The following GALNT18 variants were observed in gnomAD, a reference collection of about 807,000 sequenced individuals.
GALNT18 encodes the protein GalNAc-transferase 18.
Under a neutral mutation model 69.5 loss-of-function variants are expected in GALNT18, and 44 were observed. That is an observed-to-expected ratio of 0.63 (90% confidence interval 0.50 to 0.81). GALNT18 has a LOEUF of 0.81. Among genes scored for constraint, GALNT18 ranks in the 40% least tolerant of loss-of-function variants. The pLI, the probability that GALNT18 is intolerant of heterozygous loss-of-function variation, is 0.00. For missense variants in GALNT18, 715 were observed against 810.0 expected (o/e 0.88, Z 1.42); for synonymous variants, 364 against 318.2 (o/e 1.14, Z -1.53).
chr11:11,274,377 G>C (rs1184289199), intron 10 of GALNT18, among the ~76,000 whole-genome samples: 1 of 152,202 alleles, frequency 6.6e-6, no homozygotes, highest in Admixed American at 6.5e-5. Flanking sequence ...GCTGAAGCCA[G>C]GGAGCCAAGT....
intron 1 of GALNT18, among the ~76,000 whole-genome samples, chr11:11,545,047 G>A (rs1858016741): frequency 6.6e-6 from 1 of 152,180 alleles, no homozygotes; most frequent in Non-Finnish European, 1.5e-5. Flanking sequence ...TCATTCCATT[G>A]CTGTGCTATC....
At chr11:11,355,601 G>C (rs1320698790) in intron 6 of GALNT18, among the ~76,000 whole-genome samples, 1 of 152,078 alleles carries the variant, frequency 6.6e-6, no homozygotes, top group Non-Finnish European at 1.5e-5. Context: ...AAATGTATAA[G>C]GTCCAACCTG....
rs1050722206 is a variant in GALNT18, at chr11:11,332,570, G to A, written c.1416+124C>T. ...TTGCAGGTGCAGAACCCAGCGCCCG[G>A]TCCCCAGGCCTACTGCAGTTCTTCA... On this transcript the variant is annotated intron_variant, in intron 8 of 10. Coordinates refer to ENST00000227756, the MANE Select transcript of GALNT18 (RefSeq NM_198516.3). This position sits in a 1 kb window ranked among gnomAD's most constrained non-coding sequence, Gnocchi z 4.3. The A allele has an allele frequency of 1.1e-5, 12 of 1,107,308 alleles. No individual in the cohort carries two copies. In the African/African-American group the frequency reaches 1.1e-4, roughly 10 times the overall value. The allele number at this position is 1,107,308 out of a possible 1,614,324, so 68.6% of individuals were successfully genotyped here.
At chr11:11,491,732 A>G (rs907891316) in intron 1 of GALNT18, among the ~76,000 whole-genome samples, 5 of 152,228 alleles carry the variant, frequency 3.3e-5, no homozygotes, top group Non-Finnish European at 7.3e-5. Context: ...TGGGAAGGCC[A>G]GCAGCGAAGT....
At position 11,546,424 on chromosome 11, in the gene GALNT18, T is replaced by C. The variant is rs1476995358; in HGVS notation, c.235+74935A>G. Among the ~76,000 whole-genome samples, 2 of 152,194 alleles carry C rather than the reference T, an allele frequency of 1.3e-5. No homozygotes were observed. The highest frequency in any genetic ancestry group is 2.4e-5 in the African/African-American group (1 of 41,448). On this transcript the variant is annotated intron_variant, in intron 1 of 10. Transcript: ENST00000227756. This position sits in a 1 kb window ranked among gnomAD's most constrained non-coding sequence, Gnocchi z 5.8. ...ACCACACCAACCTGCTGCCTGAGGC[T>C]CTGTCACATCATCTCTTGCCTGTAC...
At chr11:11,565,663 G>A (rs947599178) in intron 1 of GALNT18, among the ~76,000 whole-genome samples, 3 of 152,168 alleles carry the variant, frequency 2.0e-5, no homozygotes, top group African/African-American at 4.8e-5. Context: ...AGGCACCAAG[G>A]AGACACAGAT....
At chr11:11,448,378 A>G (rs1855707914) in intron 2 of GALNT18, among the ~76,000 whole-genome samples, 2 of 152,232 alleles carry the variant, frequency 1.3e-5, no homozygotes, top group South Asian at 4.1e-4. Flanking sequence ...TAGCCCCACA[A>G]GATAGATGTA....
In GALNT18 at chr11:11,500,410, G is replaced by A. The variant is rs562896140; in HGVS notation, c.236-51474C>T. Reference sequence around the variant, plus strand: ...ATTTCCTCACATGGAAAGTGGTGATGGTAACACCTACCTCACAGGATTGTG... The same window carrying A: ...ATTTCCTCACATGGAAAGTGGTGATAGTAACACCTACCTCACAGGATTGTG... On this transcript the variant is annotated intron_variant, in intron 1 of 10. Transcript: ENST00000227756. The surrounding 1 kb of genome is among the most constrained non-coding windows in gnomAD (Gnocchi z 5.0). Among the ~76,000 whole-genome samples the A allele has an allele frequency of 2.0e-5, 3 of 152,302 alleles. No homozygotes were observed. Among genetic ancestry groups the A allele is most frequent in the Admixed American group, 2.0e-4 (3 of 15,302 alleles).
intron 1 of GALNT18, among the ~76,000 whole-genome samples, chr11:11,594,258 G>C (rs1859432856): frequency 6.6e-6 from 1 of 152,198 alleles, no homozygotes; most frequent in African/African-American, 2.4e-5. Flanking sequence ...AAAAGCTCTA[G>C]CCTGAGTCAG....
Position 11,562,609 on chromosome 11 carries a change from C to G in GALNT18, c.235+58750G>C, listed in dbSNP as rs1858540362. On this transcript the variant is annotated intron_variant, in intron 1 of 10. Transcript: ENST00000227756. This position sits in a 1 kb window ranked among gnomAD's most constrained non-coding sequence, Gnocchi z 4.1. ...AAACCTGCCTCCTACCCCAGCAACC[C>G]CATGGCACAGCACAATTTCAAGGCC... Among the ~76,000 whole-genome samples the G allele has an allele frequency of 6.6e-6, 1 of 152,100 alleles. No homozygotes were observed. Among genetic ancestry groups the G allele is most frequent in the Non-Finnish European group, 1.5e-5 (1 of 68,032 alleles).
chr11:11,375,722 G>T (rs1233814083), intron 5 of GALNT18, among the ~76,000 whole-genome samples: 1 of 152,188 alleles, frequency 6.6e-6, no homozygotes, highest in Non-Finnish European at 1.5e-5. Flanking sequence ...ATGATCAAAT[G>T]AGCCAATGCG....
intron 9 of GALNT18, among the ~76,000 whole-genome samples, chr11:11,312,690 A>G (rs1348725302): frequency 6.6e-6 from 1 of 152,226 alleles, no homozygotes; most frequent in Non-Finnish European, 1.5e-5. Context: ...TTTACAGAAG[A>G]AAAAACAGGC....
intron 1 of GALNT18, among the ~76,000 whole-genome samples, chr11:11,472,236 T>G (rs7928141): frequency 0.035 from 5,266 of 152,248 alleles, 215 homozygotes; most frequent in African/African-American, 0.1. Flanking sequence ...AAAGAGGGAT[T>G]TGCAGGGCCT....
chr11:11,492,526 AG>A (rs1856793215), intron 1 of GALNT18, among the ~76,000 whole-genome samples: 1 of 152,252 alleles, frequency 6.6e-6, no homozygotes, highest in Non-Finnish European at 1.5e-5. Context: ...GACTGGATAA[AG>A]AAAATGTGGT....
intron 1 of GALNT18, among the ~76,000 whole-genome samples, chr11:11,449,542 C>G (rs1855745568): frequency 6.6e-6 from 1 of 152,256 alleles, no homozygotes; most frequent in South Asian, 2.1e-4. Flanking sequence ...ACACAGGTGA[C>G]AGCCAAGCCA....
intron 3 of GALNT18, among the ~76,000 whole-genome samples, chr11:11,407,929 T>C (rs1317903574): frequency 6.6e-6 from 1 of 152,202 alleles, no homozygotes; most frequent in Non-Finnish European, 1.5e-5. Context: ...CCGCAGTCAT[T>C]CACTCCTTGA....
chr11:11,339,375 C>T lies in GALNT18; in HGVS notation c.1278+1444G>A, dbSNP rs1429581927. 6.6e-6 allele frequency among the ~76,000 whole-genome samples: 1 copy of T among 152,128 alleles called. No homozygotes were observed. Among genetic ancestry groups the T allele is most frequent in the Non-Finnish European group, 1.5e-5 (1 of 68,038 alleles). On this transcript the variant is annotated intron_variant, in intron 7 of 10. Coordinates refer to ENST00000227756, the MANE Select transcript of GALNT18 (RefSeq NM_198516.3). The surrounding 1 kb of genome is among the most constrained non-coding windows in gnomAD (Gnocchi z 5.2). ...TGGGCATTTCAACACCTGTCAGCTG[C>T]AAGGGGGAGAGGGCTAGAAGTTTTG...
chr11:11,271,189 G>A lies in GALNT18; in HGVS notation c.1779C>T (p.Gly593=). 6.2e-7 allele frequency: 1 copy of A among 1,614,106 alleles called. No homozygotes were observed. The highest frequency in any genetic ancestry group is 8.5e-7 in the Non-Finnish European group (1 of 1,179,986). Residue 593 remains glycine, a synonymous_variant, in exon 11 of 11, where the codon GGC becomes GGT. Coordinates refer to ENST00000227756, the MANE Select transcript of GALNT18 (RefSeq NM_198516.3). ...GGACGTTGGTGATGCTCCAGTGCTG[G>A]CCCGAGCACTTCTGCAACACCAGCT... ...GFQLVLQKCS[G]QHWSITNVLR...
At position 11,562,583 on chromosome 11, in the gene GALNT18, CA is replaced by C. The variant is rs1858539320; in HGVS notation, c.235+58775del. 6.6e-6 allele frequency among the ~76,000 whole-genome samples: 1 copy of C among 152,144 alleles called. No homozygotes were observed. The highest frequency in any genetic ancestry group is 6.5e-5 in the Admixed American group (1 of 15,286). ...TAGCAACACCCACCACCATCACCAT[CA>C]AACCTGCCTCCTACCCCAGCAACCC... On this transcript the variant is annotated intron_variant, in intron 1 of 10. Coordinates refer to ENST00000227756, the MANE Select transcript of GALNT18 (RefSeq NM_198516.3). The surrounding 1 kb of genome is among the most constrained non-coding windows in gnomAD (Gnocchi z 4.1).
Sources: allele counts gnomAD v4.1 joint callset (sites outside exome capture counted in the v4.1 genomes callset), GRCh38; gene constraint gnomAD v4.1.1; non-coding constraint Gnocchi (gnomAD v3.1); transcripts MANE v1.5; gene names NCBI Gene and HGNC (gene_info 2026-07-23, HGNC 2026-07-21).